Variants in CCDC158 observed in about 807,000 individuals in gnomAD.
The protein encoded by CCDC158 is coiled-coil domain containing 158, also known as coiled-coil domain-containing protein 158.
CCDC158 carries 116 observed loss-of-function variants against 138.6 expected under a neutral mutation model. The ratio of observed to expected loss-of-function variants is 0.84; its 90% CI spans 0.72 to 0.98. The LOEUF (loss-of-function observed/expected upper bound fraction) is 0.98. Among genes scored for constraint, CCDC158 ranks in the 50% least tolerant of loss-of-function variants. CCDC158 has a pLI of 0.00. For synonymous variants in CCDC158, 436 were observed against 442.4 expected (o/e 0.99, Z 0.18); for missense variants, 1,265 against 1,306.1 (o/e 0.97, Z 0.48).
intron 15 of CCDC158, among the ~76,000 whole-genome samples, chr4:76,354,233 C>CAAAAA (rs749565764): frequency 2.0e-4 from 13 of 63,924 alleles, no homozygotes; most frequent in Non-Finnish European, 2.9e-4. Context: ...TTCCCAAAGG[C>CAAAAA]AAAAAAAAAA....
intron 20 of CCDC158, 80 bp downstream of exon 20, chr4:76,332,352 A>G: frequency 8.1e-7 from 1 of 1,233,776 alleles, no homozygotes; most frequent in Non-Finnish European, 1.2e-6. Context: ...ACTTATGTCC[A>G]AACAGACTTC....
At chr4:76,344,813 G>C in intron 18 of CCDC158, 1 of 1,603,668 alleles carries the variant, frequency 6.2e-7, no homozygotes, top group South Asian at 1.1e-5. Flanking sequence ...CTCGAGAGAA[G>C]ATGCAGAAAC....
chr4:76,362,079 T>C (rs770604597), intron 13 of CCDC158, 47 bp downstream of exon 13: 16 of 1,550,146 alleles, frequency 1.0e-5, no homozygotes, highest in Non-Finnish European at 1.4e-5. Flanking sequence ...TTGGCTTCAC[T>C]GCTAAGACTC....
chr4:76,401,436 C>A (rs886823155), intron 3 of CCDC158: 4 of 448,520 alleles, frequency 8.9e-6, no homozygotes, highest in African/African-American at 6.1e-5. Context: ...AAGACTAAAA[C>A]GATCAAGATT....
rs572208700 is a variant in CCDC158, at chr4:76,313,306, T to C, written c.3278-60A>G. The C allele has an allele frequency of 2.7e-4, 266 of 989,984 alleles. 2 individuals carry two copies. The South Asian group carries it at 3.5e-3, about 13-fold the overall frequency. The allele number at this position is 989,984 out of a possible 1,614,324, so 61.3% of individuals were successfully genotyped here. A position where few individuals can be genotyped will look rare whatever the true frequency, so the allele number is the denominator to read the frequency against. ...ATCTACTTAGGCTTTAATTCTACTATGTGCTACTTAAAAGATCAGCTTGAT... is the reference window on the plus strand; with the variant it reads ...ATCTACTTAGGCTTTAATTCTACTACGTGCTACTTAAAAGATCAGCTTGAT... On this transcript the variant is annotated intron_variant, in intron 24 of 24. Coordinates refer to ENST00000682701, the MANE Select transcript of CCDC158 (RefSeq NM_001394954.1).
chr4:76,341,405 A>G (rs1165137735), intron 18 of CCDC158, among the ~76,000 whole-genome samples: 3 of 152,250 alleles, frequency 2.0e-5, no homozygotes, highest in African/African-American at 7.2e-5. Flanking sequence ...GAACATTGTA[A>G]TAAAAATGGA....
At chr4:76,326,272 C>G (rs921672057) in intron 22 of CCDC158, among the ~76,000 whole-genome samples, 7 of 152,108 alleles carry the variant, frequency 4.6e-5, no homozygotes, top group Admixed American at 4.6e-4. Context: ...ATTAAATTGA[C>G]CTGGATGCCT....
intron 18 of CCDC158, among the ~76,000 whole-genome samples, chr4:76,337,802 G>A (rs1045085423): frequency 4.6e-5 from 7 of 152,012 alleles, no homozygotes; most frequent in African/African-American, 1.7e-4. Context: ...ACTCTTATCA[G>A]GCTTGTAAAG....
At chr4:76,359,195 G>A (rs905272242) in intron 13 of CCDC158, among the ~76,000 whole-genome samples, 5 of 152,074 alleles carry the variant, frequency 3.3e-5, no homozygotes, top group African/African-American at 1.2e-4. Context: ...TCCCAGCCAT[G>A]CTTCCTGTGC....
chr4:76,408,058 T>C (rs977428991), intron 2 of CCDC158, among the ~76,000 whole-genome samples: 3 of 151,762 alleles, frequency 2.0e-5, no homozygotes, highest in Non-Finnish European at 4.4e-5. Context: ...GTTGTTTTTT[T>C]AAATTTTTAA....
rs1411785888 is a variant in CCDC158 at position 76,357,467 on chromosome 4, T to C, written c.2080A>G (p.Thr694Ala). ...TTTAATTGCATTTTCAACTTATTTG[T>C]AGTCATTTCCATTTCTTCACTTTTG... ...RNKSEEMEMT[T>A]NKLKMQLKSA... Residue 694 changes from threonine to alanine, a missense_variant, in exon 14 of 25, where the codon ACA (threonine) becomes GCA (alanine). By Grantham distance (58) the Thr-to-Ala change is moderately conservative. Coordinates refer to ENST00000682701, the MANE Select transcript of CCDC158 (RefSeq NM_001394954.1). The C allele has an allele frequency of 1.2e-6, 2 of 1,605,096 alleles. No individual in the cohort carries two copies. The highest frequency in any genetic ancestry group is 1.1e-5 in the South Asian group (1 of 89,308).
intron 1 of CCDC158, among the ~76,000 whole-genome samples, chr4:76,420,302 G>A (rs1730012774): frequency 6.6e-6 from 1 of 152,168 alleles, no homozygotes; most frequent in South Asian, 2.1e-4. Context: ...GCTGAGAGAA[G>A]CAGCAAGAAC....
chr4:76,343,923 A>G (rs989244724), intron 18 of CCDC158, among the ~76,000 whole-genome samples: 17 of 152,348 alleles, frequency 1.1e-4, no homozygotes, highest in African/African-American at 2.6e-4. Context: ...AGCTGGAAGC[A>G]TTCCCTTTGA....
At chr4:76,342,245 G>C (rs1344874977) in intron 18 of CCDC158, among the ~76,000 whole-genome samples, 1 of 151,956 alleles carries the variant, frequency 6.6e-6, no homozygotes, top group Non-Finnish European at 1.5e-5. Flanking sequence ...TCACTACTTT[G>C]CCCAGGCTGG....
chr4:76,417,585 G>A (rs576157123), intron 1 of CCDC158, among the ~76,000 whole-genome samples: 178 of 140,090 alleles, frequency 1.3e-3, no homozygotes, highest in African/African-American at 4.1e-3. Context: ...TCTTGCTGCC[G>A]CCATGTAAGA....
chr4:76,331,233 C>T, intron 21 of CCDC158, 111 bp downstream of exon 21: 1 of 909,396 alleles, frequency 1.1e-6, no homozygotes, highest in Admixed American at 1.8e-5. Context: ...TCACTATATT[C>T]TAAGGGTCTA....
intron 18 of CCDC158, among the ~76,000 whole-genome samples, chr4:76,338,124 G>A (rs1337565012): frequency 6.6e-6 from 1 of 152,222 alleles, no homozygotes; most frequent in African/African-American, 2.4e-5. Flanking sequence ...GGAGATCTAG[G>A]TTGCACACTC....
chr4:76,404,494 C>G (rs1728660747), intron 2 of CCDC158, among the ~76,000 whole-genome samples: 1 of 151,580 alleles, frequency 6.6e-6, no homozygotes, highest in Admixed American at 6.6e-5. Context: ...AAATGTAAAG[C>G]CAAAGAATAA....
intron 2 of CCDC158, among the ~76,000 whole-genome samples, chr4:76,406,327 G>C (rs531359881): frequency 6.6e-6 from 1 of 152,126 alleles, no homozygotes; most frequent in Non-Finnish European, 1.5e-5. Context: ...CTTGGATAAA[G>C]CATAAATCCA....
Sources: gnomAD v4.1 joint callset for allele counts (sites outside exome capture counted in the v4.1 genomes callset) on GRCh38, gnomAD v4.1.1 for gene constraint, MANE v1.5 for transcripts, NCBI Gene and HGNC (gene_info 2026-07-23, HGNC 2026-07-21) for gene names.